Variants in PDE7B observed in about 807,000 individuals in gnomAD.
The protein encoded by PDE7B is 3',5'-cyclic-AMP phosphodiesterase 7B.
Under a neutral mutation model 56.2 loss-of-function variants are expected in PDE7B, and 29 were observed. The ratio of observed to expected loss-of-function variants is 0.52; its 90% CI spans 0.38 to 0.70. The LOEUF is 0.70. Among genes scored for constraint, PDE7B ranks in the 30% least tolerant of loss-of-function variants. PDE7B has a pLI of 0.00. For synonymous variants in PDE7B, 197 were observed against 196.9 expected, an observed-to-expected ratio of 1.00 and a Z score of 0.00; for missense variants, 490 against 565.0, an observed-to-expected ratio of 0.87 and a Z score of 1.35.
intron 2 of PDE7B, among the ~76,000 whole-genome samples, chr6:136,055,971 G>T (rs1392122503): frequency 6.6e-6 from 1 of 152,210 alleles, no homozygotes; most frequent in East Asian, 1.9e-4. Flanking sequence ...AAAGATTCCA[G>T]AAAGTATAAT....
intron 2 of PDE7B, chr6:136,038,374 G>A (rs1158930425): frequency 4.6e-6 from 6 of 1,291,612 alleles, no homozygotes; most frequent in East Asian, 5.5e-5. Context: ...CCTCCTCCCC[G>A]GGAAGCCGGC....
At chr6:135,869,103 A>G (rs1775322213) in intron 1 of PDE7B, among the ~76,000 whole-genome samples, 1 of 152,212 alleles carries the variant, frequency 6.6e-6, no homozygotes, top group South Asian at 2.1e-4. Flanking sequence ...AGGGCATAAA[A>G]CCAGATGACT....
chr6:136,122,088 C>T (rs543365522), intron 3 of PDE7B, among the ~76,000 whole-genome samples: 39 of 152,148 alleles, frequency 2.6e-4, no homozygotes, highest in African/African-American at 8.2e-4. Context: ...CTCCGCCTCC[C>T]GGGTTCACGC....
intron 1 of PDE7B, among the ~76,000 whole-genome samples, chr6:135,933,859 CCTTTT>C (rs1261043039): frequency 6.6e-6 from 1 of 152,030 alleles, no homozygotes; most frequent in Non-Finnish European, 1.5e-5. Flanking sequence ...CATTTGTATT[CCTTTT>C]CTTAAGAGTC....
intron 2 of PDE7B, among the ~76,000 whole-genome samples, chr6:136,003,434 A>T (rs1052128582): frequency 1.3e-5 from 2 of 152,262 alleles, no homozygotes; most frequent in African/African-American, 2.4e-5. Context: ...GAAAGGATCA[A>T]CAAAATCAGT....
intron 2 of PDE7B, among the ~76,000 whole-genome samples, chr6:136,084,867 G>A (rs1777264304): frequency 1.3e-5 from 2 of 152,066 alleles, no homozygotes; most frequent in Admixed American, 1.3e-4. Flanking sequence ...TAATTTGCAG[G>A]GGGTTCATTT....
At chr6:135,967,677 C>T (rs1775019396) in intron 2 of PDE7B, among the ~76,000 whole-genome samples, 1 of 152,162 alleles carries the variant, frequency 6.6e-6, no homozygotes, top group Non-Finnish European at 1.5e-5. Context: ...AACTGTCCTT[C>T]ATAAGAATGA....
intron 12 of PDE7B, among the ~76,000 whole-genome samples, chr6:136,187,819 TCA>T (rs1168231658): frequency 6.6e-6 from 1 of 152,212 alleles, no homozygotes; most frequent in Non-Finnish European, 1.5e-5. Context: ...AGACTTTCTA[TCA>T]CACCTTAAGA....
At chr6:136,134,069 G>C (rs1778167442) in intron 3 of PDE7B, among the ~76,000 whole-genome samples, 1 of 152,088 alleles carries the variant, frequency 6.6e-6, no homozygotes, top group Non-Finnish European at 1.5e-5. Flanking sequence ...GAAGGACTTG[G>C]AGCAGGGGGC....
At chr6:136,097,165 C>A (rs1328833153) in intron 2 of PDE7B, among the ~76,000 whole-genome samples, 1 of 152,190 alleles carries the variant, frequency 6.6e-6, no homozygotes, top group East Asian at 1.9e-4. Context: ...TTCATGATGA[C>A]CCATAGTTTT....
chr6:135,879,090 TCA>T (rs1251838380), intron 1 of PDE7B, among the ~76,000 whole-genome samples: 1 of 152,070 alleles, frequency 6.6e-6, no homozygotes, highest in Non-Finnish European at 1.5e-5. Flanking sequence ...ATTTTTCAAA[TCA>T]CACATTTAAA....
chr6:135,861,504 A>T (rs916191886), intron 1 of PDE7B, among the ~76,000 whole-genome samples: 1 of 149,442 alleles, frequency 6.7e-6, no homozygotes, highest in African/African-American at 2.4e-5. Flanking sequence ...TTTATAGGAT[A>T]TTATATATAC....
chr6:136,135,756 G>C (rs545152755), intron 3 of PDE7B, among the ~76,000 whole-genome samples: 2 of 152,072 alleles, frequency 1.3e-5, no homozygotes, highest in African/African-American at 4.8e-5. Context: ...CTGTGAAAGG[G>C]ATGATTTGAA....
At chr6:136,030,433 A>T (rs1776227913) in intron 2 of PDE7B, among the ~76,000 whole-genome samples, 4 of 152,084 alleles carry the variant, frequency 2.6e-5, no homozygotes, top group African/African-American at 9.7e-5. Flanking sequence ...ACTTGATTCA[A>T]CTTTTGTGCT....
At chr6:135,927,135 T>C (rs1486626700) in intron 1 of PDE7B, among the ~76,000 whole-genome samples, 1 of 152,220 alleles carries the variant, frequency 6.6e-6, no homozygotes, top group Non-Finnish European at 1.5e-5. Context: ...TTTTTTTCTG[T>C]AACATGTATG....
At chr6:135,993,697 C>G (rs575590944) in intron 2 of PDE7B, among the ~76,000 whole-genome samples, 13 of 152,344 alleles carry the variant, frequency 8.5e-5, no homozygotes, top group African/African-American at 3.1e-4. Context: ...TTATGGTTAA[C>G]TGATGGGCTG....
chr6:136,153,218 G>A (rs569075508), intron 6 of PDE7B, among the ~76,000 whole-genome samples: 4 of 152,280 alleles, frequency 2.6e-5, no homozygotes, highest in African/African-American at 9.6e-5. Flanking sequence ...CTTTGGACAC[G>A]TGTATCTACC....
At chr6:135,950,643 T>G (rs887409639) in intron 2 of PDE7B, among the ~76,000 whole-genome samples, 1 of 152,156 alleles carries the variant, frequency 6.6e-6, no homozygotes, top group African/African-American at 2.4e-5. Flanking sequence ...CTCTACCCAC[T>G]CACACTCCAG....
chr6:136,112,232 C>A (rs375912870), intron 3 of PDE7B, among the ~76,000 whole-genome samples: 1 of 152,176 alleles, frequency 6.6e-6, no homozygotes, highest in Non-Finnish European at 1.5e-5. Context: ...GAATTAAAAT[C>A]TAAAATTACT....
Sources: allele counts gnomAD v4.1 joint callset (sites outside exome capture counted in the v4.1 genomes callset), GRCh38; gene constraint gnomAD v4.1.1; transcripts MANE v1.5; gene names NCBI Gene and HGNC (gene_info 2026-07-23, HGNC 2026-07-21).